MBNL3: variants seen among roughly 807,000 people sequenced by gnomAD.
The protein encoded by MBNL3 is muscleblind-like protein 3.
Under a neutral mutation model 24.5 loss-of-function variants are expected in MBNL3, and 6 were observed. The ratio of observed to expected loss-of-function variants is 0.25; its 90% CI spans 0.13 to 0.48. The LOEUF is 0.48. Ranked by LOEUF, MBNL3 falls within the 20% of genes least tolerant of loss-of-function variation. The probability of loss-of-function intolerance (pLI) is 0.99; values close to 1 mark genes in which losing one functional copy is unlikely to be tolerated. For missense variants in MBNL3, 230 were observed against 293.5 expected (o/e 0.78, Z 1.58); for synonymous variants, 100 against 101.7 (o/e 0.98, Z 0.10).
Position 132,396,627 on chromosome X carries a change from CATATATATTCACAT to C in MBNL3, c.343-4307_343-4294del, listed in dbSNP as rs1370921073. Among the ~76,000 whole-genome samples the C allele has an allele frequency of 8.5e-5, 3 of 35,136 alleles. 1 individual carries two copies. The highest frequency in any genetic ancestry group is 1.4e-4 in the Non-Finnish European group (3 of 21,929). The allele number at this position is 35,136 out of a possible 115,157, so 30.5% of individuals were successfully genotyped here. On this transcript the variant is annotated intron_variant, in intron 3 of 8. Coordinates refer to ENST00000370853, the MANE Select transcript of MBNL3 (RefSeq NM_001386889.1). ...TCCTATATATATTCATATATATATT[CATATATATTCACAT>C]ATATATATTCACATATATATTCACA... is the stretch of plus-strand genomic sequence containing the variant.
At chrX:132,448,475 G>T (rs1426289672) in intron 1 of MBNL3, among the ~76,000 whole-genome samples, 2 of 111,467 alleles carry the variant, frequency 1.8e-5, no homozygotes, top group African/African-American at 6.5e-5. Context: ...CATTTCTGTG[G>T]GATCAGTGGT....
intron 7 of MBNL3, among the ~76,000 whole-genome samples, chrX:132,383,394 T>C (rs183210995): frequency 2.1e-4 from 23 of 112,003 alleles, no homozygotes; most frequent in African/African-American, 7.5e-4. Context: ...TGTTTTCCCT[T>C]TGGGAGTGCA....
At chrX:132,479,724 A>G (rs1413341216) in intron 1 of MBNL3, among the ~76,000 whole-genome samples, 1 of 111,931 alleles carries the variant, frequency 8.9e-6, no homozygotes, top group African/African-American at 3.3e-5. Flanking sequence ...CATGTAACAG[A>G]TTACTCAATC....
intron 8 of MBNL3, among the ~76,000 whole-genome samples, chrX:132,380,621 C>T (rs1053677474): frequency 1.8e-5 from 2 of 111,341 alleles, no homozygotes; most frequent in African/African-American, 6.5e-5. Context: ...CCTCCTTCAA[C>T]CAAATGACAC....
intron 1 of MBNL3, among the ~76,000 whole-genome samples, chrX:132,451,050 C>T (rs565918754): frequency 4.0e-4 from 45 of 111,714 alleles, no homozygotes; most frequent in African/African-American, 1.3e-3. Flanking sequence ...AGCTTTGTCC[C>T]GGAGTGACAC....
Position 132,375,643 on chromosome X carries a change from ACAAGGCTACTGTCTTAGTATATCTATT to A in MBNL3, c.*3996_*4022del, listed in dbSNP as rs1312203724. On this transcript the variant is annotated 3_prime_UTR_variant, in exon 9 of 9. Coordinates refer to ENST00000370853, the MANE Select transcript of MBNL3 (RefSeq NM_001386889.1). ...AGTGCCTTCTACAGGCACTGGTTAA[ACAAGGCTACTGTCTTAGTATATCTATT>A]CATCAGAATTGGGAAATCAGATTTC... 1 of 111,914 alleles carries A rather than the reference ACAAGGCTACTGTCTTAGTATATCTATT, an allele frequency of 8.9e-6. No individual in the cohort carries two copies. Among genetic ancestry groups the A allele is most frequent in the Non-Finnish European group, 1.9e-5 (1 of 52,970 alleles). 9.2% of individuals were successfully genotyped at this position (111,914 alleles called of 1,213,427 possible).
chrX:132,449,980 C>T (rs1405911749), intron 1 of MBNL3, among the ~76,000 whole-genome samples: 2 of 10,775 alleles, frequency 1.9e-4, no homozygotes, highest in South Asian at 5.4e-3. Context: ...GAATATTGCC[C>T]CCCCCCCCCC....
chrX:132,419,666 A>G (rs930792556), intron 2 of MBNL3, among the ~76,000 whole-genome samples: 2 of 111,753 alleles, frequency 1.8e-5, no homozygotes, highest in South Asian at 3.9e-4. Context: ...TAAAGTAGAT[A>G]TATTTTGAGA....
In MBNL3 at chrX:132,378,715, G is replaced by A. The variant is rs1035576262; in HGVS notation, c.*951C>T. The A allele has an allele frequency of 2.7e-5, 3 of 111,658 alleles. No individual in the cohort carries two copies. The highest frequency in any genetic ancestry group is 6.5e-5 in the African/African-American group (2 of 30,765). The allele number at this position is 111,658 out of a possible 1,213,427, so 9.2% of individuals were successfully genotyped here. A position where few individuals can be genotyped will look rare whatever the true frequency, so the allele number is the denominator to read the frequency against. ...GCTCAGTTTTAGACACTCAATTTAG[G>A]AGATGGGATTCTCAAGCCACACACA... On this transcript the variant is annotated 3_prime_UTR_variant, in exon 9 of 9. Coordinates refer to ENST00000370853, the MANE Select transcript of MBNL3 (RefSeq NM_001386889.1).
At chrX:132,399,502 ATTT>A (rs985170637) in intron 3 of MBNL3, among the ~76,000 whole-genome samples, 1 of 110,621 alleles carries the variant, frequency 9.0e-6, no homozygotes, top group African/African-American at 3.3e-5. Context: ...ATAAAAAGTA[ATTT>A]TTTATACACT....
chrX:132,382,412 T>C (rs1935166735), intron 7 of MBNL3, 140 bp from the exon 8 acceptor site: 2 of 421,738 alleles, frequency 4.7e-6, no homozygotes, highest in Non-Finnish European at 8.3e-6. Flanking sequence ...ATCAGGGTGT[T>C]CATGCAATCA....
intron 1 of MBNL3, among the ~76,000 whole-genome samples, chrX:132,466,604 T>C (rs1232877561): frequency 8.9e-6 from 1 of 112,030 alleles, no homozygotes; most frequent in Non-Finnish European, 1.9e-5. Context: ...CCTATGAGTA[T>C]GTTTTAAATG....
intron 1 of MBNL3, among the ~76,000 whole-genome samples, chrX:132,463,641 A>G (rs868131844): frequency 9.9e-5 from 11 of 111,668 alleles, no homozygotes; most frequent in Non-Finnish European, 1.9e-4. Context: ...CAGAATTGCA[A>G]GCATAGTGGC....
chrX:132,438,100 G>A (rs1945212163), intron 2 of MBNL3, among the ~76,000 whole-genome samples: 1 of 112,169 alleles, frequency 8.9e-6, no homozygotes, highest in Non-Finnish European at 1.9e-5. Context: ...TGTCACATGG[G>A]TGGCTGAGAT....
intron 4 of MBNL3, among the ~76,000 whole-genome samples, chrX:132,391,851 ATC>A (rs1937222487): frequency 9.5e-6 from 1 of 105,705 alleles, no homozygotes. Context: ...AAATATAGTA[ATC>A]TGTTTCTGAA....
At chrX:132,415,489 T>A (rs1034937726) in intron 2 of MBNL3, among the ~76,000 whole-genome samples, 1 of 111,999 alleles carries the variant, frequency 8.9e-6, no homozygotes, top group African/African-American at 3.3e-5. Context: ...ACCAGCCACA[T>A]ATCTCTCCAC....
intron 1 of MBNL3, among the ~76,000 whole-genome samples, chrX:132,449,949 A>T (rs1945977166): frequency 1.1e-5 from 1 of 94,830 alleles, no homozygotes; most frequent in African/African-American, 3.9e-5. Context: ...TTGGTTGTAA[A>T]TTATTTTCTT....
At position 132,369,734 on chromosome X, in the gene MBNL3, G is replaced by A. The variant is rs1933449653; in HGVS notation, c.*9932C>T. On this transcript the variant is annotated 3_prime_UTR_variant, in exon 9 of 9. Transcript: ENST00000370853. ...ATTTTTTAAAAATAAATCTTTCCTT[G>A]TACTTGTACATGCCTGCATTGCATT... 1.8e-5 allele frequency: 2 copies of A among 111,607 alleles called. No homozygotes were observed. The highest frequency in any genetic ancestry group is 1.9e-4 in the Admixed American group (2 of 10,499). The allele number at this position is 111,607 out of a possible 1,213,427, so 9.2% of individuals were successfully genotyped here.
chrX:132,412,125 G>A (rs1942822258), intron 2 of MBNL3, among the ~76,000 whole-genome samples: 1 of 110,411 alleles, frequency 9.1e-6, no homozygotes, highest in Non-Finnish European at 1.9e-5. Context: ...AGGAATATGT[G>A]ACCATTACGG....
Sources: allele counts gnomAD v4.1 joint callset (sites outside exome capture counted in the v4.1 genomes callset), GRCh38; gene constraint gnomAD v4.1.1; transcripts MANE v1.5; gene names NCBI Gene and HGNC (gene_info 2026-07-23, HGNC 2026-07-21).